The following SLC7A14 variants were observed in gnomAD, a reference collection of about 807,000 sequenced individuals.
SLC7A14 encodes solute carrier family 7 member 14.
SLC7A14 carries 37 observed loss-of-function variants against 60.2 expected under a neutral mutation model. That is an observed-to-expected ratio of 0.61 (90% CI 0.47 to 0.81). SLC7A14 has a LOEUF of 0.81. Ranked by LOEUF, SLC7A14 falls within the 30% of genes least tolerant of loss-of-function variation. The probability of loss-of-function intolerance (pLI) is 0.00; values close to 1 mark genes in which losing one functional copy is unlikely to be tolerated. For missense variants in SLC7A14, 886 were observed against 982.7 expected (o/e 0.90, Z 1.32); for synonymous variants, 399 against 395.8 (o/e 1.01, Z -0.10).
At chr3:170,501,464 G>A in intron 2 of SLC7A14, 119 bp from the exon 3 acceptor site, 2 of 811,198 alleles carry the variant, frequency 2.5e-6, no homozygotes, top group South Asian at 1.7e-5. Context: ...AATACACAAA[G>A]TTTTATGTAT....
chr3:170,481,212 C>T (rs1465804373), intron 6 of SLC7A14, 46 bp from the exon 7 acceptor site: 1 of 1,566,518 alleles, frequency 6.4e-7, no homozygotes, highest in Non-Finnish European at 8.6e-7. Flanking sequence ...GCTACAGTGA[C>T]CGATTCCAGT....
chr3:170,538,026 T>C (rs1713903281), intron 1 of SLC7A14, among the ~76,000 whole-genome samples: 3 of 152,196 alleles, frequency 2.0e-5, no homozygotes, highest in African/African-American at 2.4e-5. Flanking sequence ...TTGGCCTCAA[T>C]AGGAATTTCC....
Position 170,465,310 on chromosome 3 carries a change from C to G in SLC7A14, c.*1745G>C, listed in dbSNP as rs900922308. The G allele has an allele frequency of 1.3e-5, 2 of 152,234 alleles. No homozygotes were observed. The highest frequency in any genetic ancestry group is 4.8e-5 in the African/African-American group (2 of 41,448). The allele number at this position is 152,234 out of a possible 1,614,324, so 9.4% of individuals were successfully genotyped here. ...AAAACCCAGTGCATCAGCCTGGAGA[C>G]TTGTCAAGTTTGTTGTTTTATCTGC... On this transcript the variant is annotated 3_prime_UTR_variant, in exon 8 of 8. Transcript: ENST00000231706.
At chr3:170,573,690 C>CA (rs1715010202) in intron 1 of SLC7A14, among the ~76,000 whole-genome samples, 1 of 152,206 alleles carries the variant, frequency 6.6e-6, no homozygotes, top group South Asian at 2.1e-4. Flanking sequence ...ACTAGCGAAA[C>CA]AGAGAGAACA....
rs1419517626 is a variant in SLC7A14 at position 170,486,499 on chromosome 3, G to A, written c.760-131C>T. 7.9e-6 allele frequency: 9 copies of A among 1,135,258 alleles called. No individual in the cohort carries two copies. The East Asian group carries it at 9.5e-5, about 12-fold the overall frequency. 70.3% of individuals were successfully genotyped at this position (1,135,258 alleles called of 1,614,324 possible). ...CTGAGGGAGTAACATGGTGGAACTC[G>A]TGCTAAACACGCAGGTTCTGATCTC... On this transcript the variant is annotated intron_variant, in intron 4 of 7. Coordinates refer to ENST00000231706, the MANE Select transcript of SLC7A14 (RefSeq NM_020949.3).
intron 2 of SLC7A14, among the ~76,000 whole-genome samples, chr3:170,525,457 G>A (rs1713463488): frequency 6.6e-6 from 1 of 152,256 alleles, no homozygotes; most frequent in South Asian, 2.1e-4. Context: ...GGAGGTGTTT[G>A]TGGCAGATGG....
At chr3:170,522,659 G>T (rs1560268444) in intron 2 of SLC7A14, among the ~76,000 whole-genome samples, 1 of 152,192 alleles carries the variant, frequency 6.6e-6, no homozygotes, top group Non-Finnish European at 1.5e-5. Flanking sequence ...TAACTACAAA[G>T]AGGCAGCCTG....
At position 170,501,221 on chromosome 3, in the gene SLC7A14, G is replaced by A. The variant is rs781548214; in HGVS notation, c.429C>T (p.Tyr143=). The change falls in exon 3 of 8, where the codon TAC becomes TAT. Residue 143 remains tyrosine, a synonymous_variant. Coordinates refer to ENST00000231706, the MANE Select transcript of SLC7A14 (RefSeq NM_020949.3). ...TGGCTCCGGCCGCAGTGCCAATCAG[G>A]TACTCCAGGATCAGGTTCCAGCCAA... ...FFIGWNLILE[Y]LIGTAAGASA... 2 of 1,614,182 alleles carry A rather than the reference G, an allele frequency of 1.2e-6. No homozygotes were observed. Among genetic ancestry groups the A allele is most frequent in the South Asian group, 1.1e-5 (1 of 91,082 alleles).
intron 2 of SLC7A14, among the ~76,000 whole-genome samples, chr3:170,507,410 G>A (rs1399740001): frequency 6.6e-6 from 1 of 152,202 alleles, no homozygotes; most frequent in East Asian, 1.9e-4. Flanking sequence ...TGTTCTTGGA[G>A]CTCAGTGCGG....
intron 2 of SLC7A14, among the ~76,000 whole-genome samples, chr3:170,509,540 T>TG (rs1025571260): frequency 3.9e-5 from 6 of 152,222 alleles, no homozygotes; most frequent in African/African-American, 1.4e-4. Flanking sequence ...CCGGGCACGG[T>TG]GGCTCACACC....
chr3:170,570,792 A>C (rs77400361), intron 1 of SLC7A14, among the ~76,000 whole-genome samples: 53 of 152,282 alleles, frequency 3.5e-4, no homozygotes, highest in African/African-American at 1.2e-3. Flanking sequence ...AGTATCTAAA[A>C]ATTAATGTCA....
At chr3:170,486,394 A>G (rs1712031791) in intron 4 of SLC7A14, 26 bp from the exon 5 acceptor site, 1 of 1,614,112 alleles carries the variant, frequency 6.2e-7, no homozygotes, top group Non-Finnish European at 8.5e-7. Flanking sequence ...CATTTGTCAG[A>G]CTCAGAAGAT....
rs985803094 is a variant in SLC7A14, at chr3:170,535,375, T to C, written c.-152-8287A>G. Among the ~76,000 whole-genome samples the C allele has an allele frequency of 1.3e-5, 2 of 152,104 alleles. No individual in the cohort carries two copies. The highest frequency in any genetic ancestry group is 2.9e-5 in the Non-Finnish European group (2 of 68,008). Reference sequence around the variant, plus strand: ...AATCCTTCTATGCCACCATAAAAGATTTAAGAATTTGTATTAATCATTGCA... The same window carrying C: ...AATCCTTCTATGCCACCATAAAAGACTTAAGAATTTGTATTAATCATTGCA... On this transcript the variant is annotated intron_variant, in intron 1 of 7. Coordinates refer to ENST00000231706, the MANE Select transcript of SLC7A14 (RefSeq NM_020949.3). The surrounding 1 kb of genome is among the most constrained non-coding windows in gnomAD (Gnocchi z 4.3).
chr3:170,516,429 A>G (rs1713160593), intron 2 of SLC7A14, among the ~76,000 whole-genome samples: 1 of 151,886 alleles, frequency 6.6e-6, no homozygotes, highest in Non-Finnish European at 1.5e-5. Context: ...TGAGTTTTTA[A>G]ATTTAGGGGT....
At position 170,485,773 on chromosome 3, in the gene SLC7A14, A is replaced by G. The variant is rs561140532; in HGVS notation, c.906+449T>C. ...AGGGGAAGAGAGTTTGTAGAGGACAATGTATTCTCTCTCCCCGCTGTGCAG... is the reference window on the plus strand; with the variant it reads ...AGGGGAAGAGAGTTTGTAGAGGACAGTGTATTCTCTCTCCCCGCTGTGCAG... On this transcript the variant is annotated intron_variant, in intron 5 of 7. Coordinates refer to ENST00000231706, the MANE Select transcript of SLC7A14 (RefSeq NM_020949.3). Among the ~76,000 whole-genome samples the G allele has an allele frequency of 9.6e-4, 146 of 152,246 alleles. 2 individuals carry two copies. In the South Asian group the frequency reaches 0.03, roughly 31 times the overall value.
At chr3:170,512,825 G>C (rs543327517) in intron 2 of SLC7A14, among the ~76,000 whole-genome samples, 14 of 151,568 alleles carry the variant, frequency 9.2e-5, no homozygotes, top group African/African-American at 3.4e-4. Context: ...CACTACGCCC[G>C]GCTAATTTTT....
At chr3:170,519,926 G>A (rs539525810) in intron 2 of SLC7A14, among the ~76,000 whole-genome samples, 60 of 152,156 alleles carry the variant, frequency 3.9e-4, no homozygotes, top group Non-Finnish European at 7.8e-4. Context: ...TGCAATGGAA[G>A]CCAAATGTCT....
At chr3:170,569,989 G>GT (rs1200038579) in intron 1 of SLC7A14, 3 of 152,076 alleles carry the variant, frequency 2.0e-5, no homozygotes, top group African/African-American at 4.8e-5. Flanking sequence ...TTTTTGAAGG[G>GT]TTTTTTAGTT....
intron 1 of SLC7A14, among the ~76,000 whole-genome samples, chr3:170,573,294 C>T (rs1004660895): frequency 6.6e-6 from 1 of 152,204 alleles, no homozygotes; most frequent in Non-Finnish European, 1.5e-5. Context: ...TACCAGAACT[C>T]TCCAAAGGAG....
Sources: gnomAD v4.1 joint callset for allele counts (sites outside exome capture counted in the v4.1 genomes callset) on GRCh38, gnomAD v4.1.1 for gene constraint, Gnocchi (gnomAD v3.1) non-coding constraint, MANE v1.5 for transcripts, NCBI Gene and HGNC (gene_info 2026-07-23, HGNC 2026-07-21) for gene names.